The following ZNF254 variants were observed in gnomAD, a reference collection of about 807,000 sequenced individuals.
ZNF254 encodes the protein CTD-2017D11.1.
A neutral mutation model predicts 12.4 loss-of-function variants in ZNF254; 10 were observed. That is an observed-to-expected ratio of 0.80 (90% CI 0.50 to 1.36). The LOEUF is 1.36. Ranked by LOEUF, ZNF254 falls within the 40% of genes most tolerant of loss-of-function variation. The pLI, the probability that ZNF254 is intolerant of heterozygous loss-of-function variation, is 0.00. For synonymous variants in ZNF254, 305 were observed against 253.4 expected (o/e 1.20, Z -1.93); for missense variants, 996 against 763.9 (o/e 1.30, Z -3.58).
rs534036268 is a variant in ZNF254 at position 24,092,632 on chromosome 19, T to TA, written c.30+5295_30+5296insA. ...CTGAGCTCAGGCAATCCACCTGCCT[T>TA]GGCCTCTCAGAGTGCTGGGATTACA... On this transcript the variant is annotated intron_variant, in intron 1 of 3. Transcript: ENST00000357002. Among the ~76,000 whole-genome samples the TA allele has an allele frequency of 1.1e-4, 17 of 151,810 alleles. No individual in the cohort carries two copies. The East Asian group carries it at 2.2e-3, about 19-fold the overall frequency.
At chr19:24,106,785 C>G in intron 3 of ZNF254, 142 bp downstream of exon 3, 2 of 577,004 alleles carry the variant, frequency 3.5e-6, no homozygotes, top group South Asian at 4.3e-5. Flanking sequence ...AAATTATACT[C>G]TCACATAGGG....
intron 1 of ZNF254, 61 bp downstream of exon 1, chr19:24,087,398 G>A: frequency 6.2e-7 from 1 of 1,608,770 alleles, no homozygotes; most frequent in Non-Finnish European, 8.5e-7. Context: ...CTGGTGGGAA[G>A]CGGCTGTGGC....
At chr19:24,059,685 G>GCCTAC (rs1357681418) in intron 2 of ZNF254, among the ~76,000 whole-genome samples, 1 of 152,182 alleles carries the variant, frequency 6.6e-6, no homozygotes, top group Admixed American at 6.5e-5. Flanking sequence ...CATGGGCTTT[G>GCCTAC]CCTACAGGGG....
Position 24,121,816 on chromosome 19 carries a change from A to G in ZNF254, c.254-4438A>G, listed in dbSNP as rs571283741. Among the ~76,000 whole-genome samples the G allele has an allele frequency of 1.4e-4, 21 of 152,046 alleles. No individual in the cohort carries two copies. The South Asian group carries it at 4.2e-3, about 30-fold the overall frequency. On this transcript the variant is annotated intron_variant, in intron 3 of 3. Coordinates refer to ENST00000357002, the MANE Select transcript of ZNF254 (RefSeq NM_203282.4). ...ATGATCCACCCTCTTCAGCCTCCCA[A>G]AGTGCTGGGATTACAGGTGTGAGCC...
At chr19:24,097,925 A>G (rs1364964609) in intron 1 of ZNF254, among the ~76,000 whole-genome samples, 1 of 152,138 alleles carries the variant, frequency 6.6e-6, no homozygotes, top group Non-Finnish European at 1.5e-5. Context: ...CTTCAGTACA[A>G]TTAGCATAGT....
intron 3 of ZNF254, among the ~76,000 whole-genome samples, chr19:24,112,725 G>A (rs2145866428): frequency 6.6e-6 from 1 of 152,140 alleles, no homozygotes; most frequent in African/African-American, 2.4e-5. Context: ...ATGAATGGGA[G>A]TTCACTCATG....
intron 2 of ZNF254, among the ~76,000 whole-genome samples, chr19:24,053,294 A>G (rs1970716232): frequency 6.6e-6 from 1 of 152,224 alleles, no homozygotes; most frequent in Non-Finnish European, 1.5e-5. Flanking sequence ...TCACTCAGGT[A>G]CTTACACCCA....
intron 1 of ZNF254, among the ~76,000 whole-genome samples, chr19:24,094,684 T>G (rs917643922): frequency 6.7e-6 from 1 of 148,182 alleles, no homozygotes; most frequent in African/African-American, 2.5e-5. Flanking sequence ...ATGCTTCGGG[T>G]TTTTTTTTTC....
rs773678413 is a variant in ZNF254 at position 24,127,235 on chromosome 19, G to A, written c.1235G>A (p.Gly412Asp). 1.9e-6 allele frequency: 3 copies of A among 1,612,836 alleles called. No individual in the cohort carries two copies. The highest frequency in any genetic ancestry group is 4.5e-5 in the East Asian group (2 of 44,714). ...GEKLYKCEEC[G>D]KGFNRSSNLT... is the part of the protein sequence containing the mutation. ...AAACTCTACAAATGTGAAGAATGCG[G>A]CAAAGGTTTTAATCGATCTTCAAAT... The change falls in exon 4 of 4, where the codon GGC (glycine) becomes GAC (aspartate). Residue 412 changes from glycine to aspartate, a missense_variant. Coordinates refer to ENST00000357002, the MANE Select transcript of ZNF254 (RefSeq NM_203282.4).
chr19:24,064,186 T>C (rs192451589), intron 2 of ZNF254, among the ~76,000 whole-genome samples: 1 of 152,282 alleles, frequency 6.6e-6, no homozygotes, highest in African/African-American at 2.4e-5. Flanking sequence ...CTATGTGATG[T>C]GACTCTTTCT....
Position 24,126,747 on chromosome 19 carries a change from A to T in ZNF254, c.747A>T (p.Gln249His), listed in dbSNP as rs776066379. 6.2e-7 allele frequency: 1 copy of T among 1,613,418 alleles called. No individual in the cohort carries two copies. Among genetic ancestry groups the T allele is most frequent in the Non-Finnish European group, 8.5e-7 (1 of 1,179,786 alleles). The part of the protein sequence containing the change: ...KCEEYNKSPK[Q>H]LSTLTTHEII... ...AAGAATATAACAAATCTCCTAAGCAACTCTCAACCCTTACTACACATGAAA... is the reference window on the plus strand; with the variant it reads ...AAGAATATAACAAATCTCCTAAGCATCTCTCAACCCTTACTACACATGAAA... The change falls in exon 4 of 4, where the codon CAA becomes CAT. Residue 249 changes from glutamine to histidine, a missense_variant. Transcript: ENST00000357002.
rs372542320 is a variant in ZNF254, at chr19:24,087,289, T to C, written c.-19T>C. 216 of 1,613,070 alleles carry C rather than the reference T, an allele frequency of 1.3e-4. No individual in the cohort carries two copies. The highest frequency in any genetic ancestry group is 1.8e-4 in the Non-Finnish European group (209 of 1,179,496). The stretch of plus-strand genomic sequence containing the variant: ...TCTGTGGCGCTGTTACCAGCAGGTA[T>C]TGGAGATCCACAGCTAAGATGCCAG... On this transcript the variant is annotated 5_prime_UTR_variant, in exon 1 of 4. Transcript: ENST00000357002.
Position 24,128,046 on chromosome 19 carries a change from G to C in ZNF254, c.*66G>C, listed in dbSNP as rs2146038125. The C allele has an allele frequency of 6.3e-6, 9 of 1,434,872 alleles. No individual in the cohort carries two copies. The South Asian group carries it at 1.5e-4, about 24-fold the overall frequency. 88.9% of individuals were successfully genotyped at this position (1,434,872 alleles called of 1,614,324 possible). On this transcript the variant is annotated 3_prime_UTR_variant, in exon 4 of 4. Coordinates refer to ENST00000357002, the MANE Select transcript of ZNF254 (RefSeq NM_203282.4). ...GATATAAGATTATTCCTACTGGAGA[G>C]AAACTACAAACCTGAGAGAGGCGCT... is the stretch of plus-strand genomic sequence containing the variant.
chr19:24,087,906 G>GTGT (rs1972124998), intron 1 of ZNF254, among the ~76,000 whole-genome samples: 1 of 126,354 alleles, frequency 7.9e-6, no homozygotes, highest in Non-Finnish European at 1.6e-5. Context: ...CTAGGTTGTC[G>GTGT]TTTTTTTTTT....
upstream of ZNF254, among the ~76,000 whole-genome samples, chr19:24,085,408 G>GTCTATATATATATATATATATATATA (rs1555759074): frequency 3.1e-5 from 1 of 32,710 alleles, no homozygotes; most frequent in Non-Finnish European, 5.4e-5. Context: ...TTTGTTAAGG[G>GTCTATATATATATATATATATATATA]TATATATATA....
intron 3 of ZNF254, among the ~76,000 whole-genome samples, chr19:24,108,210 G>A (rs1419764848): frequency 6.6e-6 from 1 of 152,156 alleles, no homozygotes; most frequent in Admixed American, 6.5e-5. Context: ...TAAAGGTCAA[G>A]GTCTGCAGGC....
intron 2 of ZNF254, among the ~76,000 whole-genome samples, chr19:24,057,038 C>A (rs1010910789): frequency 1.3e-5 from 2 of 152,324 alleles, no homozygotes. Context: ...TACTATCTCT[C>A]ATATGTGGGC....
intron 2 of ZNF254, chr19:24,049,600 A>G (rs562177138): frequency 6.6e-6 from 1 of 152,188 alleles, no homozygotes; most frequent in Admixed American, 6.5e-5. Flanking sequence ...ACATTGTGAC[A>G]TATTGCTGGG....
intron 2 of ZNF254, among the ~76,000 whole-genome samples, chr19:24,060,164 T>G (rs1272670891): frequency 1.3e-5 from 2 of 152,224 alleles, no homozygotes; most frequent in Non-Finnish European, 2.9e-5. Flanking sequence ...ACCCAGGTGA[T>G]GTAACATTCC....
Sources: allele counts gnomAD v4.1 joint callset (sites outside exome capture counted in the v4.1 genomes callset), GRCh38; gene constraint gnomAD v4.1.1; transcripts MANE v1.5; gene names NCBI Gene and HGNC (gene_info 2026-07-23, HGNC 2026-07-21).